NOP58: variants seen among roughly 807,000 people sequenced by gnomAD.
The protein encoded by NOP58 is nucleolar protein 58.
NOP58 carries 44 observed loss-of-function variants against 71.2 expected under a neutral mutation model. The ratio of observed to expected loss-of-function variants is 0.62; its 90% CI spans 0.49 to 0.79. The LOEUF (loss-of-function observed/expected upper bound fraction) is 0.79. Among genes scored for constraint, NOP58 ranks in the 30% least tolerant of loss-of-function variants. The probability of loss-of-function intolerance (pLI) is 0.00; values close to 1 mark genes in which losing one functional copy is unlikely to be tolerated. For synonymous variants in NOP58, 228 were observed against 200.3 expected (o/e 1.14, Z -1.17); for missense variants, 538 against 620.2 (o/e 0.87, Z 1.41).
intron 2 of NOP58, chr2:202,276,562 G>T: frequency 2.2e-6 from 1 of 455,386 alleles, no homozygotes; most frequent in East Asian, 6.0e-5. Flanking sequence ...CCCTGAGGCT[G>T]GGCGTGATGG....
chr2:202,274,726 C>T (rs1688562812), intron 1 of NOP58, among the ~76,000 whole-genome samples: 1 of 152,064 alleles, frequency 6.6e-6, no homozygotes, highest in South Asian at 2.1e-4. Flanking sequence ...TGCTCCACTG[C>T]ACTCCAGGCT....
intron 2 of NOP58, chr2:202,276,355 AG>A: frequency 2.4e-5 from 7 of 290,980 alleles, no homozygotes; most frequent in East Asian, 9.3e-5. Flanking sequence ...AAAAAAAAAA[AG>A]ATGACACTGT....
chr2:202,289,266 C>G (rs1003999854), intron 6 of NOP58, among the ~76,000 whole-genome samples: 3 of 152,210 alleles, frequency 2.0e-5, no homozygotes, highest in Non-Finnish European at 4.4e-5. Flanking sequence ...AACCCAGATA[C>G]CTTTTAACAG....
chr2:202,274,400 ATTTTTTTTTT>A (rs1173477305), intron 1 of NOP58, among the ~76,000 whole-genome samples: 14,365 of 104,788 alleles, frequency 0.14, 848 homozygotes, highest in South Asian at 0.29. Flanking sequence ...CTAATTTTGT[ATTTTTTTTTT>A]TTTTTTTTTT....
chr2:202,266,377 C>T (rs1051303789), intron 1 of NOP58, among the ~76,000 whole-genome samples: 4 of 151,888 alleles, frequency 2.6e-5, no homozygotes, highest in African/African-American at 9.7e-5. Context: ...TGGCTCACTG[C>T]AACCTCCGTC....
intron 14 of NOP58, 125 bp from the exon 15 acceptor site, chr2:202,303,261 T>G: frequency 7.0e-7 from 1 of 1,420,142 alleles, no homozygotes; most frequent in Non-Finnish European, 9.5e-7. Context: ...CAAGTTTGCA[T>G]TGAGGGGAGG....
chr2:202,280,679 T>G (rs1455195650), intron 3 of NOP58, among the ~76,000 whole-genome samples: 1 of 151,922 alleles, frequency 6.6e-6, no homozygotes, highest in Non-Finnish European at 1.5e-5. Context: ...TGGGGTGTGA[T>G]GTTGAATTTG....
At position 202,291,159 on chromosome 2, in the gene NOP58, T is replaced by G; in HGVS notation, c.669T>G (p.Ser223=). 1.2e-6 allele frequency: 2 copies of G among 1,612,728 alleles called. No individual in the cohort carries two copies. Among genetic ancestry groups the G allele is most frequent in the Non-Finnish European group, 1.7e-6 (2 of 1,179,656 alleles). The change falls in exon 8 of 15, where the codon TCT becomes TCG. Residue 223 remains serine, a synonymous_variant. Coordinates refer to ENST00000264279, the MANE Select transcript of NOP58 (RefSeq NM_015934.5). Reference sequence around the variant, plus strand: ...AGAACTATGCCTCTGCCAAGCTTTCTGAGTTGCTGCCAGAAGAAGTTGAAG... The same window carrying G: ...AGAACTATGCCTCTGCCAAGCTTTCGGAGTTGCTGCCAGAAGAAGTTGAAG... The part of the protein sequence containing the change: ...DRKNYASAKL[S]ELLPEEVEAE...
chr2:202,285,102 C>T lies in NOP58; in HGVS notation c.434+621C>T, dbSNP rs867305301. ...TGTCGCCCAGACTGGAGTGCAGTGGCGTGATCTCTGCTCACTGCAGCCCCT... is the reference window on the plus strand; with the variant it reads ...TGTCGCCCAGACTGGAGTGCAGTGGTGTGATCTCTGCTCACTGCAGCCCCT... On this transcript the variant is annotated intron_variant, in intron 5 of 14. Transcript: ENST00000264279. 1.2e-4 allele frequency among the ~76,000 whole-genome samples: 19 copies of T among 152,056 alleles called. No homozygotes were observed. The Middle Eastern group carries it at 0.01, about 82-fold the overall frequency.
chr2:202,297,231 C>T (rs2105855723), intron 10 of NOP58, 148 bp from the exon 11 acceptor site: 5 of 635,964 alleles, frequency 7.9e-6, no homozygotes, highest in Middle Eastern at 8.3e-4. Context: ...GATATATGGC[C>T]ATTAGATTGT....
intron 10 of NOP58, among the ~76,000 whole-genome samples, chr2:202,296,260 A>G (rs1574388529): frequency 6.6e-6 from 1 of 151,946 alleles, no homozygotes; most frequent in Non-Finnish European, 1.5e-5. Flanking sequence ...CAGTGGCTTG[A>G]TCTCGGCTCA....
intron 3 of NOP58, among the ~76,000 whole-genome samples, chr2:202,278,889 C>G (rs1275754722): frequency 6.6e-6 from 1 of 152,110 alleles, no homozygotes; most frequent in Non-Finnish European, 1.5e-5. Context: ...CATAACAGAC[C>G]ACCCTAACCT....
rs541368141 is a variant in NOP58, at chr2:202,297,246, A to G, written c.1072-133A>G. On this transcript the variant is annotated intron_variant, in intron 10 of 14. Coordinates refer to ENST00000264279, the MANE Select transcript of NOP58 (RefSeq NM_015934.5). ...GATATATGGCCATTAGATTGTGGCA[A>G]AGGTTGAAATACGATGGATGATTTG... 59 of 764,894 alleles carry G rather than the reference A, an allele frequency of 7.7e-5. No homozygotes were observed. The Admixed American group carries it at 1.8e-3, about 23-fold the overall frequency. The allele number at this position is 764,894 out of a possible 1,614,324, so 47.4% of individuals were successfully genotyped here. A position where few individuals can be genotyped will look rare whatever the true frequency, so the allele number is the denominator to read the frequency against.
At chr2:202,295,539 G>T in intron 9 of NOP58, 135 bp from the exon 10 acceptor site, 1 of 643,584 alleles carries the variant, frequency 1.6e-6, no homozygotes. Context: ...AGGGAATTCT[G>T]GATTATAGAA....
intron 8 of NOP58, 144 bp from the exon 9 acceptor site, chr2:202,292,633 C>A: frequency 1.7e-6 from 1 of 593,278 alleles, no homozygotes; most frequent in South Asian, 2.3e-5. Context: ...AAAAAGAAAA[C>A]TGATGTTAGG....
intron 9 of NOP58, chr2:202,293,235 C>A: frequency 2.3e-6 from 1 of 436,032 alleles, no homozygotes; most frequent in Non-Finnish European, 4.5e-6. Context: ...ACTCACTAGA[C>A]CTAGATTTGA....
intron 1 of NOP58, among the ~76,000 whole-genome samples, chr2:202,273,873 G>A (rs1205320905): frequency 6.6e-6 from 1 of 151,808 alleles, no homozygotes; most frequent in Non-Finnish European, 1.5e-5. Context: ...AACCCGGGAG[G>A]CGGAGGCTGC....
At position 202,299,578 on chromosome 2, in the gene NOP58, CAG is replaced by C. The variant is rs757713871; in HGVS notation, c.1269-654_1269-653del. Among the ~76,000 whole-genome samples the C allele has an allele frequency of 7.2e-5, 11 of 152,228 alleles. No individual in the cohort carries two copies. In the East Asian group the frequency reaches 9.7e-4, roughly 13 times the overall value. Reference sequence around the variant, plus strand: ...TCAGCTTACAGGTCTGCTTAAAAAACAGAACATTTTTTAGCTTGTTTTGAACC... The same window carrying C: ...TCAGCTTACAGGTCTGCTTAAAAAACAACATTTTTTAGCTTGTTTTGAACC... On this transcript the variant is annotated intron_variant, in intron 12 of 14. Transcript: ENST00000264279.
intron 12 of NOP58, among the ~76,000 whole-genome samples, chr2:202,299,204 C>T (rs1363055390): frequency 6.6e-6 from 1 of 152,042 alleles, no homozygotes; most frequent in Non-Finnish European, 1.5e-5. Context: ...GTGATCCGCC[C>T]GCCTTGGCCT....
Sources: allele counts gnomAD v4.1 joint callset (sites outside exome capture counted in the v4.1 genomes callset), GRCh38; gene constraint gnomAD v4.1.1; transcripts MANE v1.5; gene names NCBI Gene and HGNC (gene_info 2026-07-23, HGNC 2026-07-21).